Variants in SORCS1 observed in about 807,000 individuals in gnomAD.
SORCS1 encodes the protein VPS10 domain-containing receptor SorCS1.
In SORCS1, 60 loss-of-function variants were observed where a neutral mutation model predicts 146.1. That is an observed-to-expected ratio of 0.41 (90% confidence interval 0.33 to 0.51). The LOEUF (loss-of-function observed/expected upper bound fraction) is 0.51. Ranked by LOEUF, SORCS1 falls within the 20% of genes least tolerant of loss-of-function variation. The pLI, the probability that SORCS1 is intolerant of heterozygous loss-of-function variation, is 0.21. For synonymous variants in SORCS1, 637 were observed against 584.0 expected, an observed-to-expected ratio of 1.09 and a Z score of -1.31; for missense variants, 1,352 against 1,487.6, an observed-to-expected ratio of 0.91 and a Z score of 1.50.
chr10:106,605,972 T>C (rs778300213), intron 23 of SORCS1, among the ~76,000 whole-genome samples: 9 of 152,298 alleles, frequency 5.9e-5, no homozygotes, highest in Middle Eastern at 3.4e-3. Context: ...ATGGGTTTAG[T>C]AAACAGAAAA....
chr10:107,108,860 G>T (rs1965489158), intron 1 of SORCS1, among the ~76,000 whole-genome samples: 2 of 152,174 alleles, frequency 1.3e-5, no homozygotes, highest in African/African-American at 4.8e-5. Context: ...TATAGGCATT[G>T]GATAAACATT....
chr10:107,096,577 T>C (rs773325453), intron 1 of SORCS1, among the ~76,000 whole-genome samples: 1 of 152,156 alleles, frequency 6.6e-6, no homozygotes, highest in Non-Finnish European at 1.5e-5. Flanking sequence ...AGTGATGCAA[T>C]CTTGGCTCAC....
intron 2 of SORCS1, among the ~76,000 whole-genome samples, chr10:106,908,205 T>A (rs1267881301): frequency 2.6e-5 from 4 of 152,186 alleles, no homozygotes; most frequent in African/African-American, 4.8e-5. Flanking sequence ...ATTTTCATTT[T>A]TTTTCCCTAA....
intron 1 of SORCS1, among the ~76,000 whole-genome samples, chr10:107,087,516 CT>C (rs1412363765): frequency 2.6e-5 from 4 of 152,214 alleles, no homozygotes; most frequent in African/African-American, 9.6e-5. Flanking sequence ...TAGTCACTAA[CT>C]TCTCTCTAAA....
At chr10:106,857,271 C>T (rs978696895) in intron 2 of SORCS1, among the ~76,000 whole-genome samples, 1 of 152,200 alleles carries the variant, frequency 6.6e-6, no homozygotes, top group African/African-American at 2.4e-5. Flanking sequence ...ATACAGATAT[C>T]CTGCCCATCT....
rs749174613 is a variant in SORCS1, at chr10:106,963,110, A to ATTTTTTTTTTTTTTTTTTTT, written c.559-6550_559-6531dup. 3.8e-4 allele frequency among the ~76,000 whole-genome samples: 29 copies of ATTTTTTTTTTTTTTTTTTTT among 76,302 alleles called. 6 individuals carry two copies. Among genetic ancestry groups the ATTTTTTTTTTTTTTTTTTTT allele is most frequent in the East Asian group, 1.8e-3 (4 of 2,284 alleles). 50.1% of individuals were successfully genotyped at this position (76,302 alleles called of 152,430 possible). ...AAGAGAGCAGTGTTCAATGGCCAGA[A>ATTTTTTTTTTTTTTTTTTTT]TTTTTTTTTTTTTTTTTTTTTTTTT... On this transcript the variant is annotated intron_variant, in intron 1 of 25. Coordinates refer to ENST00000263054, the MANE Select transcript of SORCS1 (RefSeq NM_052918.5).
rs536458224 is a variant in SORCS1, at chr10:106,837,792, G to T, written c.627-8119C>A. Among the ~76,000 whole-genome samples, 7 of 151,694 alleles carry T rather than the reference G, an allele frequency of 4.6e-5. No homozygotes were observed. In the South Asian group the frequency reaches 8.4e-4, roughly 18 times the overall value. On this transcript the variant is annotated intron_variant, in intron 2 of 25. Transcript: ENST00000263054. The stretch of plus-strand genomic sequence containing the variant: ...CAGTCTTGTCCCTTCACTTGGAAAG[G>T]TTTTTTTCCAGATACCTAATAGACA...
intron 5 of SORCS1, among the ~76,000 whole-genome samples, chr10:106,750,867 G>A (rs1387216953): frequency 6.7e-6 from 1 of 150,068 alleles, no homozygotes; most frequent in Non-Finnish European, 1.5e-5. Flanking sequence ...AGACCATCCT[G>A]GCTAACACGG....
Position 106,629,283 on chromosome 10 carries a change from T to C in SORCS1, c.2581A>G (p.Asn861Asp), listed in dbSNP as rs758389912. The C allele has an allele frequency of 6.2e-7, 1 of 1,614,180 alleles. No homozygotes were observed. Among genetic ancestry groups the C allele is most frequent in the Non-Finnish European group, 8.5e-7 (1 of 1,180,016 alleles). The change falls in exon 19 of 26, where the codon AAC becomes GAC. Residue 861 changes from asparagine (N) to aspartate (D), a missense_variant. This residue lies in a region of SORCS1 where 648 missense variants were observed against 793.8 expected (regional missense o/e 0.82). Transcript: ENST00000263054. ...ACGGTCACACGGAAAATGCCCACGT[T>C]CTGATAGACGTGTTTGATCCCATCT... is the stretch of plus-strand genomic sequence containing the variant. ...MEDGIKHVYQ[N>D]VGIFRVTVQV...
At chr10:107,012,870 C>CTCTT (rs1211472112) in intron 1 of SORCS1, among the ~76,000 whole-genome samples, 1 of 152,144 alleles carries the variant, frequency 6.6e-6, no homozygotes, top group Non-Finnish European at 1.5e-5. Flanking sequence ...ATTTCCTTAA[C>CTCTT]TCTTACCAAA....
chr10:107,126,693 C>T (rs597122), intron 1 of SORCS1, among the ~76,000 whole-genome samples: 15,129 of 151,996 alleles, frequency 0.1, 1,534 homozygotes, highest in East Asian at 0.35. Flanking sequence ...AACAGTTCTG[C>T]TCATTGCAGA....
intron 2 of SORCS1, among the ~76,000 whole-genome samples, chr10:106,944,535 T>G (rs1371293141): frequency 6.6e-6 from 1 of 152,180 alleles, no homozygotes; most frequent in East Asian, 1.9e-4. Context: ...ACATAATCTC[T>G]CATGTATTTA....
intron 23 of SORCS1, chr10:106,600,159 A>C (rs1348767149): frequency 3.8e-6 from 1 of 260,088 alleles, no homozygotes; most frequent in African/African-American, 2.3e-5. Context: ...TAAACCAGAA[A>C]ATGGAGTTTA....
intron 2 of SORCS1, among the ~76,000 whole-genome samples, chr10:106,852,749 T>C (rs1723734791): frequency 6.6e-6 from 1 of 152,174 alleles, no homozygotes; most frequent in Admixed American, 6.5e-5. Flanking sequence ...TATTGGTATA[T>C]TATGTGATTT....
At position 106,801,733 on chromosome 10, in the gene SORCS1, TGTTAGCCAGGAC is replaced by T. The variant is rs373287021; in HGVS notation, c.727-25053_727-25042del. Among the ~76,000 whole-genome samples the T allele has an allele frequency of 1.5e-4, 23 of 152,290 alleles. 2 individuals are homozygous for T. Among genetic ancestry groups the T allele is most frequent in the African/African-American group, 4.6e-4 (19 of 41,578 alleles). On this transcript the variant is annotated intron_variant, in intron 3 of 25. Coordinates refer to ENST00000263054, the MANE Select transcript of SORCS1 (RefSeq NM_052918.5). ...TTTTACTAGAGATGTGGTTTCACTG[TGTTAGCCAGGAC>T]GGTCTCGATCTCCTGACCTTGTGAT...
chr10:107,069,369 C>CT (rs894784533), intron 1 of SORCS1, among the ~76,000 whole-genome samples: 14 of 151,840 alleles, frequency 9.2e-5, no homozygotes, highest in Admixed American at 7.9e-4. Flanking sequence ...TTTTCTTTTC[C>CT]TTTTTTTTCT....
chr10:106,734,404 T>G (rs1265419390), intron 5 of SORCS1, among the ~76,000 whole-genome samples: 2 of 152,220 alleles, frequency 1.3e-5, no homozygotes, highest in Non-Finnish European at 2.9e-5. Context: ...TTTCTGAGAC[T>G]TTCAGAATGA....
At chr10:106,682,756 A>G (rs1458279492) in intron 10 of SORCS1, among the ~76,000 whole-genome samples, 6 of 152,138 alleles carry the variant, frequency 3.9e-5, no homozygotes, top group Non-Finnish European at 8.8e-5. Flanking sequence ...TACATATGCT[A>G]ATAGTCACAA....
chr10:106,933,114 C>T (rs1953502790), intron 2 of SORCS1, among the ~76,000 whole-genome samples: 1 of 152,188 alleles, frequency 6.6e-6, no homozygotes, highest in South Asian at 2.1e-4. Context: ...AATATTTTAG[C>T]CATGACAAAT....
Sources: allele counts gnomAD v4.1 joint callset (sites outside exome capture counted in the v4.1 genomes callset), GRCh38; gene constraint gnomAD v4.1.1; regional missense constraint gnomAD v4.1.1; transcripts MANE v1.5; gene names NCBI Gene and HGNC (gene_info 2026-07-23, HGNC 2026-07-21).